ZNF423: variants seen among roughly 807,000 people sequenced by gnomAD.
ZNF423 encodes Ebf-associated zinc finger protein.
ZNF423 carries 12 observed loss-of-function variants against 95.8 expected under a neutral mutation model. The observed-to-expected ratio is 0.13, with a 90% CI of 0.08 to 0.20. ZNF423 has a LOEUF of 0.20. ZNF423 is among the 10% of genes least tolerant of loss of function. The probability of loss-of-function intolerance (pLI) is 1.00; values close to 1 mark genes in which losing one functional copy is unlikely to be tolerated. For missense variants in ZNF423, 1,316 were observed against 1,737.1 expected (o/e 0.76, Z 4.31); for synonymous variants, 749 against 711.9 (o/e 1.05, Z -0.83).
At chr16:49,755,853 TC>T in intron 2 of ZNF423, among the ~76,000 whole-genome samples, 1 of 152,290 alleles carries the variant, frequency 6.6e-6, no homozygotes, top group Non-Finnish European at 1.5e-5. Flanking sequence ...TGCAGCCACA[TC>T]AATGCATCAG....
intron 7 of ZNF423, among the ~76,000 whole-genome samples, 185 bp from the exon 8 acceptor site, chr16:49,491,489 G>C (rs930889599): frequency 1.3e-5 from 2 of 151,700 alleles, no homozygotes; most frequent in Non-Finnish European, 2.9e-5. Flanking sequence ...TTTGGGGCTT[G>C]GGGATAGGTT....
rs1426048862 is a variant in ZNF423, at chr16:49,856,091, C to A, written c.-317G>T. 1 of 128,936 alleles carries A rather than the reference C, an allele frequency of 7.8e-6. No homozygotes were observed. Among genetic ancestry groups the A allele is most frequent in the African/African-American group, 3.0e-5 (1 of 33,244 alleles). The allele number at this position is 128,936 out of a possible 1,614,324, so 8.0% of individuals were successfully genotyped here. A position where few individuals can be genotyped will look rare whatever the true frequency, so the allele number is the denominator to read the frequency against. The stretch of plus-strand genomic sequence containing the variant: ...CCAGCGGCGCGGGGAGTCCGGAGGC[C>A]ACTCGGCCGAGCCGAGTTATGCAAA... On this transcript the variant is annotated 5_prime_UTR_variant, in exon 1 of 8. Coordinates refer to ENST00000563137, the MANE Select transcript of ZNF423 (RefSeq NM_001379286.1).
At chr16:49,854,264 G>A (rs2035332398) in intron 1 of ZNF423, 2 of 985,338 alleles carry the variant, frequency 2.0e-6, no homozygotes, top group Non-Finnish European at 2.4e-6. Context: ...GGAACGGGCC[G>A]GGCGCTCCGT....
chr16:49,583,245 C>A (rs950605399), intron 5 of ZNF423, among the ~76,000 whole-genome samples: 1 of 152,192 alleles, frequency 6.6e-6, no homozygotes. Flanking sequence ...TTTTTCATTT[C>A]CTGTATGTTC....
At chr16:49,507,840 C>T (rs1967708420) in intron 7 of ZNF423, among the ~76,000 whole-genome samples, 1 of 152,206 alleles carries the variant, frequency 6.6e-6, no homozygotes, top group African/African-American at 2.4e-5. Flanking sequence ...TACAAACTCA[C>T]AGTGCAAGTT....
intron 2 of ZNF423, among the ~76,000 whole-genome samples, chr16:49,743,001 T>G (rs1377323828): frequency 6.6e-6 from 1 of 152,150 alleles, no homozygotes; most frequent in East Asian, 1.9e-4. Context: ...GGGCCTCAGC[T>G]GCCCCATCTG....
chr16:49,523,613 T>C lies in ZNF423; in HGVS notation c.3849+11A>G. On this transcript the variant is annotated intron_variant, in intron 7 of 7. Coordinates refer to ENST00000563137, the MANE Select transcript of ZNF423 (RefSeq NM_001379286.1). ...ATCAGGCGGCGTGGTGCAGCGGATGTGGGCACCCACCTGCAGCTCGGTCTG... is the reference window on the plus strand; with the variant it reads ...ATCAGGCGGCGTGGTGCAGCGGATGCGGGCACCCACCTGCAGCTCGGTCTG... 1 of 1,610,824 alleles carries C rather than the reference T, an allele frequency of 6.2e-7. No homozygotes were observed. The highest frequency in any genetic ancestry group is 8.5e-7 in the Non-Finnish European group (1 of 1,177,078).
At chr16:49,625,116 C>T (rs931924853) in intron 5 of ZNF423, among the ~76,000 whole-genome samples, 13 of 152,176 alleles carry the variant, frequency 8.5e-5, no homozygotes, top group African/African-American at 1.2e-4. Flanking sequence ...TGGTGGCTCA[C>T]GCCTATAATC....
At chr16:49,776,840 G>C (rs2034129925) in intron 2 of ZNF423, among the ~76,000 whole-genome samples, 1 of 152,228 alleles carries the variant, frequency 6.6e-6, no homozygotes, top group Non-Finnish European at 1.5e-5. Flanking sequence ...AAAGAAAACA[G>C]AGCAAGGAGA....
At chr16:49,798,661 A>G (rs536888173) in intron 1 of ZNF423, among the ~76,000 whole-genome samples, 6 of 152,362 alleles carry the variant, frequency 3.9e-5, no homozygotes, top group Middle Eastern at 3.4e-3. Flanking sequence ...AAGAAAAACC[A>G]TTGTTAAGAA....
At chr16:49,607,260 T>G (rs1971569755) in intron 5 of ZNF423, among the ~76,000 whole-genome samples, 1 of 152,162 alleles carries the variant, frequency 6.6e-6, no homozygotes, top group South Asian at 2.1e-4. Context: ...GTGCCTTTTG[T>G]GGCTCACTGC....
At chr16:49,513,160 C>T (rs1265171355) in intron 7 of ZNF423, among the ~76,000 whole-genome samples, 1 of 152,158 alleles carries the variant, frequency 6.6e-6, no homozygotes, top group Non-Finnish European at 1.5e-5. Flanking sequence ...GCCAGCCCAA[C>T]TCTCAGCCCT....
chr16:49,739,490 A>T (rs530827199), intron 2 of ZNF423, among the ~76,000 whole-genome samples: 1 of 152,182 alleles, frequency 6.6e-6, no homozygotes, highest in South Asian at 2.1e-4. Flanking sequence ...CCAAGTGTGA[A>T]TCCTCCCCTT....
intron 1 of ZNF423, among the ~76,000 whole-genome samples, chr16:49,831,867 G>A (rs2144059221): frequency 6.6e-6 from 1 of 152,182 alleles, no homozygotes; most frequent in Admixed American, 6.5e-5. Flanking sequence ...CAGGCATGGT[G>A]GGGCGTGCCT....
chr16:49,800,443 G>T (rs1410923966), intron 1 of ZNF423, among the ~76,000 whole-genome samples: 1 of 152,060 alleles, frequency 6.6e-6, no homozygotes, highest in Non-Finnish European at 1.5e-5. Context: ...ACCCACCATA[G>T]ATATTGCCAA....
intron 1 of ZNF423, among the ~76,000 whole-genome samples, chr16:49,790,239 A>C (rs1479193575): frequency 6.6e-6 from 1 of 152,252 alleles, no homozygotes; most frequent in Non-Finnish European, 1.5e-5. Flanking sequence ...TTAAGCCAAA[A>C]ATGTGCATAC....
At chr16:49,674,673 G>A (rs542451636) in intron 3 of ZNF423, among the ~76,000 whole-genome samples, 6 of 152,328 alleles carry the variant, frequency 3.9e-5, no homozygotes, top group African/African-American at 1.2e-4. Context: ...ACCAAAGCCC[G>A]AGAGGCAGCC....
intron 3 of ZNF423, among the ~76,000 whole-genome samples, chr16:49,676,700 T>A (rs1296690158): frequency 1.3e-5 from 2 of 152,210 alleles, no homozygotes; most frequent in Non-Finnish European, 2.9e-5. Flanking sequence ...TTTCTGTTCA[T>A]GGAGATGGGG....
intron 3 of ZNF423, among the ~76,000 whole-genome samples, chr16:49,722,953 ATTT>A (rs10533611): frequency 1.4e-3 from 183 of 130,858 alleles, no homozygotes; most frequent in African/African-American, 3.9e-3. Context: ...CGGGGTTCTA[ATTT>A]TTTTTTTTTT....
Sources: gnomAD v4.1 joint callset for allele counts (sites outside exome capture counted in the v4.1 genomes callset) on GRCh38, gnomAD v4.1.1 for gene constraint, MANE v1.5 for transcripts, NCBI Gene and HGNC (gene_info 2026-07-23, HGNC 2026-07-21) for gene names.